Variants in MKNK1 observed in about 807,000 individuals in gnomAD.
The protein encoded by MKNK1 is MAPK interacting serine/threonine kinase 1.
In MKNK1, 30 loss-of-function variants were observed where a neutral mutation model predicts 49.3. That is an observed-to-expected ratio of 0.61 (90% confidence interval 0.46 to 0.83). The LOEUF is 0.83. MKNK1 is among the 40% of genes least tolerant of loss of function. MKNK1 has a pLI of 0.00. For missense variants in MKNK1, 423 were observed against 524.7 expected (o/e 0.81, Z 1.89); for synonymous variants, 176 against 201.7 (o/e 0.87, Z 1.08).
At chr1:46,582,742 G>A (rs986531182) in intron 3 of MKNK1, 11 of 393,482 alleles carry the variant, frequency 2.8e-5, no homozygotes, top group African/African-American at 2.1e-4. Flanking sequence ...AACACAACAC[G>A]TATTCTTTAA....
At chr1:46,590,379 C>T (rs1246224549) in intron 2 of MKNK1, among the ~76,000 whole-genome samples, 1 of 152,224 alleles carries the variant, frequency 6.6e-6, no homozygotes, top group Non-Finnish European at 1.5e-5. Context: ...ATTACTCACA[C>T]ACACACATGC....
chr1:46,583,952 C>T (rs954207131), intron 2 of MKNK1, among the ~76,000 whole-genome samples: 3 of 152,238 alleles, frequency 2.0e-5, no homozygotes, highest in South Asian at 2.1e-4. Flanking sequence ...GCTCCTCCAT[C>T]GGAAGGGCTG....
At chr1:46,562,954 G>A in intron 9 of MKNK1, 111 bp from the exon 10 acceptor site, 1 of 932,744 alleles carries the variant, frequency 1.1e-6, no homozygotes. Flanking sequence ...CAGGAGGCTG[G>A]AAGGATGAGA....
intron 7 of MKNK1, chr1:46,569,993 T>C: frequency 6.6e-6 from 1 of 152,276 alleles, no homozygotes; most frequent in Non-Finnish European, 1.5e-5. Flanking sequence ...TGAGCTGCAG[T>C]GTGTCCAGTA....
chr1:46,582,254 C>T (rs1304585108), intron 3 of MKNK1, among the ~76,000 whole-genome samples: 1 of 152,076 alleles, frequency 6.6e-6, no homozygotes, highest in East Asian at 1.9e-4. Context: ...AACAAAAAAC[C>T]CCTGCTGAAA....
chr1:46,587,015 G>A (rs1672673240), intron 2 of MKNK1, among the ~76,000 whole-genome samples: 1 of 152,144 alleles, frequency 6.6e-6, no homozygotes, highest in Non-Finnish European at 1.5e-5. Flanking sequence ...TCGCCATGTT[G>A]GCCAGGCTGG....
chr1:46,558,646 G>A lies in MKNK1; in HGVS notation c.1168C>T (p.Arg390Cys), dbSNP rs200209678. ...GCCAGGGCCCGTCTCCGGGCCAGGC[G>A]TGACTTGCAGGGAGGGGAAAGCTTC... ...SMKLSPPCKS[R>C]LARRRALAQA... is the part of the protein sequence containing the mutation. Residue 390 changes from arginine to cysteine, a missense_variant, in exon 13 of 13, where the codon CGC becomes TGC. Transcript: ENST00000371945. 99 of 1,614,008 alleles carry A rather than the reference G, an allele frequency of 6.1e-5. 1 individual carries two copies. The highest frequency in any genetic ancestry group is 1.3e-5 in the African/African-American group (1 of 74,956).
chr1:46,592,546 C>G (rs1266653113), intron 2 of MKNK1, among the ~76,000 whole-genome samples: 1 of 152,116 alleles, frequency 6.6e-6, no homozygotes, highest in East Asian at 1.9e-4. Flanking sequence ...ATGTGAAGAA[C>G]AAACTGGAGG....
At position 46,558,702 on chromosome 1, in the gene MKNK1, G is replaced by A. The variant is rs753417316; in HGVS notation, c.1112C>T (p.Pro371Leu). The A allele has an allele frequency of 3.7e-6, 6 of 1,614,162 alleles. No homozygotes were observed. The highest frequency in any genetic ancestry group is 2.2e-5 in the South Asian group (2 of 91,094). The part of the protein sequence containing the change: ...QHEENELAEE[P>L]EALADGLCSM... Reference sequence around the variant, plus strand: ...GCAGAGGCCATCAGCTAGTGCCTCTGGCTCCTCTGCTAGTTCGTTCTCTTC... The same window carrying A: ...GCAGAGGCCATCAGCTAGTGCCTCTAGCTCCTCTGCTAGTTCGTTCTCTTC... The change falls in exon 13 of 13, where the codon CCA becomes CTA. Residue 371 changes from proline (P) to leucine (L), a missense_variant. Physicochemically the swap from Pro to Leu is moderately conservative, Grantham distance 98. Transcript: ENST00000371945.
chr1:46,601,848 T>C (rs772411831), intron 1 of MKNK1, among the ~76,000 whole-genome samples: 1 of 152,160 alleles, frequency 6.6e-6, no homozygotes, highest in African/African-American at 2.4e-5. Flanking sequence ...GAAAGAGACA[T>C]GGTCCCTTGC....
At chr1:46,593,939 G>T in intron 2 of MKNK1, 174 bp downstream of exon 2, 4 of 494,230 alleles carry the variant, frequency 8.1e-6, no homozygotes, top group Non-Finnish European at 1.1e-5. Flanking sequence ...CTGTAGAAAT[G>T]TGTTCCTCCT....
At chr1:46,602,304 C>G (rs1363913504) in intron 1 of MKNK1, among the ~76,000 whole-genome samples, 2 of 152,112 alleles carry the variant, frequency 1.3e-5, no homozygotes, top group South Asian at 4.1e-4. Flanking sequence ...TCCAGCTACT[C>G]AGGAGGCTGA....
intron 9 of MKNK1, among the ~76,000 whole-genome samples, chr1:46,563,979 A>C (rs1455707219): frequency 1.4e-5 from 1 of 71,532 alleles, no homozygotes; most frequent in East Asian, 4.8e-4. Context: ...CAGGAGGCAG[A>C]GCTTGCAGTG....
chr1:46,560,312 C>T lies in MKNK1; in HGVS notation c.970-35G>A, dbSNP rs778316238. On this transcript the variant is annotated intron_variant, in intron 11 of 12. Transcript: ENST00000371945. ...GAAGGACAGATGTGTAGGTAAAGCA[C>T]TGCTCCCTCCTTTCAAGAACTGCCC... The T allele has an allele frequency of 1.9e-6, 3 of 1,610,620 alleles. No homozygotes were observed. In the African/African-American group the frequency reaches 4.0e-5, roughly 22 times the overall value.
intron 3 of MKNK1, 71 bp downstream of exon 3, chr1:46,583,157 G>A (rs1671995696): frequency 8.2e-7 from 1 of 1,220,588 alleles, no homozygotes; most frequent in Admixed American, 1.7e-5. Context: ...GATCGGACCT[G>A]TGGCTCCCGG....
At chr1:46,560,664 C>G (rs778822873) in intron 11 of MKNK1, among the ~76,000 whole-genome samples, 2 of 152,232 alleles carry the variant, frequency 1.3e-5, no homozygotes, top group East Asian at 1.9e-4. Flanking sequence ...TTTTCAGAAG[C>G]CTTTATCATG....
chr1:46,579,947 T>G (rs1233582758), intron 4 of MKNK1, among the ~76,000 whole-genome samples: 1 of 152,186 alleles, frequency 6.6e-6, no homozygotes, highest in African/African-American at 2.4e-5. Context: ...TAGTTTTTAA[T>G]CCTCACTATC....
intron 8 of MKNK1, 52 bp downstream of exon 8, chr1:46,568,391 T>G: frequency 6.4e-7 from 1 of 1,570,610 alleles, no homozygotes; most frequent in Non-Finnish European, 8.8e-7. Context: ...AAAGCAAGGG[T>G]GGCTTCCTCG....
At chr1:46,564,466 G>T (rs1413427183) in intron 9 of MKNK1, among the ~76,000 whole-genome samples, 77 of 70,132 alleles carry the variant, frequency 1.1e-3, no homozygotes, top group African/African-American at 2.5e-3. Context: ...TTTTTTTATT[G>T]TTTTTTTTTT....
Sources: allele counts gnomAD v4.1 joint callset (sites outside exome capture counted in the v4.1 genomes callset), GRCh38; gene constraint gnomAD v4.1.1; transcripts MANE v1.5; gene names NCBI Gene and HGNC (gene_info 2026-07-23, HGNC 2026-07-21).